Variants in TMED5 observed in about 807,000 individuals in gnomAD.
The protein encoded by TMED5 is transmembrane p24 trafficking protein 5, also known as transmembrane emp24 domain-containing protein 5.
In TMED5, 27 loss-of-function variants were observed where a neutral mutation model predicts 23.0. That is an observed-to-expected ratio of 1.17 (90% CI 0.86 to 1.62). The LOEUF (loss-of-function observed/expected upper bound fraction) is 1.62. TMED5 is among the 40% of genes most tolerant of loss of function. The pLI is 0.00. For synonymous variants in TMED5, 97 were observed against 100.8 expected (o/e 0.96, Z 0.23); for missense variants, 248 against 273.7 (o/e 0.91, Z 0.66).
intron 1 of TMED5, among the ~76,000 whole-genome samples, chr1:93,176,469 T>G (rs1455035328): frequency 6.6e-6 from 1 of 152,006 alleles, no homozygotes; most frequent in African/African-American, 2.4e-5. Flanking sequence ...GTGTAATAAT[T>G]TGATTAATTA....
At chr1:93,170,257 G>A (rs1648666313) in intron 1 of TMED5, among the ~76,000 whole-genome samples, 1 of 152,194 alleles carries the variant, frequency 6.6e-6, no homozygotes, top group African/African-American at 2.4e-5. Flanking sequence ...AGCTTGCCGG[G>A]AGGTGTGGAG....
At chr1:93,168,058 TCTACTGATTGATTTGAGAATGCTGAA>T (rs1258568214) in intron 1 of TMED5, among the ~76,000 whole-genome samples, 1 of 152,234 alleles carries the variant, frequency 6.6e-6, no homozygotes, top group African/African-American at 2.4e-5. Context: ...ATCATATCAT[TCTACTGATTGATTTGAGAATGCTGAA>T]CCATCCTTGC....
intron 1 of TMED5, among the ~76,000 whole-genome samples, chr1:93,166,606 A>G (rs1418313735): frequency 1.6e-5 from 2 of 124,670 alleles, no homozygotes; most frequent in African/African-American, 2.7e-5. Context: ...TTTTTAAATT[A>G]GATTAGATTT....
rs907476033 is a variant in TMED5 at position 93,152,561 on chromosome 1, T to C, written c.*2109A>G. ...AAATAAAGCAATTATCGTTTTTATA[T>C]GGTAAGAAGTTACTGAATCATAGGT... On this transcript the variant is annotated 3_prime_UTR_variant, in exon 4 of 4. Transcript: ENST00000370282. 6.6e-6 allele frequency: 1 copy of C among 152,624 alleles called. No homozygotes were observed. The allele number at this position is 152,624 out of a possible 1,614,324, so 9.5% of individuals were successfully genotyped here. A position where few individuals can be genotyped will look rare whatever the true frequency, so the allele number is the denominator to read the frequency against.
chr1:93,160,612 C>T lies in TMED5; in HGVS notation c.190-386G>A, dbSNP rs1571273800. The T allele has an allele frequency of 1.9e-5, 3 of 159,202 alleles. No homozygotes were observed. The East Asian group carries it at 5.3e-4, about 28-fold the overall frequency. The allele number at this position is 159,202 out of a possible 1,614,324, so 9.9% of individuals were successfully genotyped here. A position where few individuals can be genotyped will look rare whatever the true frequency, so the allele number is the denominator to read the frequency against. On this transcript the variant is annotated intron_variant, in intron 1 of 3. Coordinates refer to ENST00000370282, the MANE Select transcript of TMED5 (RefSeq NM_016040.5). ...GTGGCTCACGCCTGTAATCCCAGCA[C>T]TTTGGGAGGCCGAGGCAGGTGGATC...
At position 93,154,649 on chromosome 1, in the gene TMED5, T is replaced by TA. The variant is rs1215118584; in HGVS notation, c.*20dup. ...ATTTTTATGCCTCATTTTTCAATGT[T>TA]ACGTACTCTAGTTTGGAGTTTTAAG... is the stretch of plus-strand genomic sequence containing the variant. On this transcript the variant is annotated 3_prime_UTR_variant, in exon 4 of 4. Transcript: ENST00000370282. 2 of 1,569,032 alleles carry TA rather than the reference T, an allele frequency of 1.3e-6. No homozygotes were observed. Among genetic ancestry groups the TA allele is most frequent in the African/African-American group, 1.4e-5 (1 of 74,046 alleles).
At chr1:93,157,824 T>C (rs1648126496) in intron 2 of TMED5, among the ~76,000 whole-genome samples, 1 of 152,182 alleles carries the variant, frequency 6.6e-6, no homozygotes, top group African/African-American at 2.4e-5. Context: ...TTGTTTAATG[T>C]TTAAAAAACA....
In TMED5 at chr1:93,150,667, T is replaced by C. The variant is rs1466869152; in HGVS notation, c.*4003A>G. On this transcript the variant is annotated 3_prime_UTR_variant, in exon 4 of 4. Coordinates refer to ENST00000370282, the MANE Select transcript of TMED5 (RefSeq NM_016040.5). ...CTGTCTTTTCTTTCTGCAATGGTAT[T>C]ACGTGTCCTTTTAGAATTGAAATCA... is the stretch of plus-strand genomic sequence containing the variant. 6.6e-6 allele frequency: 1 copy of C among 152,230 alleles called. No individual in the cohort carries two copies. Among genetic ancestry groups the C allele is most frequent in the Non-Finnish European group, 1.5e-5 (1 of 68,042 alleles). 9.4% of individuals were successfully genotyped at this position (152,230 alleles called of 1,614,324 possible).
intron 1 of TMED5, among the ~76,000 whole-genome samples, chr1:93,178,526 TCTTTGAGAAGAGGGATTCTTTCTTTCTC>T: frequency 1.3e-5 from 2 of 152,134 alleles, no homozygotes; most frequent in Non-Finnish European, 2.9e-5. Flanking sequence ...TTTATTAAGC[TCTTTGAGAAGAGGGATTCTTTCTTTCTC>T]TTTTACCTAC....
At chr1:93,156,065 G>C (rs1430331676) in intron 3 of TMED5, 1 of 1,474,846 alleles carries the variant, frequency 6.8e-7, no homozygotes, top group East Asian at 2.5e-5. Flanking sequence ...CACATCTGAA[G>C]CTATTTTTAT....
intron 1 of TMED5, among the ~76,000 whole-genome samples, chr1:93,178,232 C>T (rs533532753): frequency 4.5e-4 from 69 of 152,298 alleles, no homozygotes; most frequent in Non-Finnish European, 8.1e-4. Flanking sequence ...GCTACTCCCA[C>T]CCTAGACTTT....
At chr1:93,158,896 G>C (rs1648170484) in intron 2 of TMED5, 1 of 942,818 alleles carries the variant, frequency 1.1e-6, no homozygotes, top group South Asian at 4.9e-5. Flanking sequence ...CTATCAAAGA[G>C]AAAACAGTTA....
At chr1:93,158,927 A>C in intron 2 of TMED5, 1 of 797,090 alleles carries the variant, frequency 1.3e-6, no homozygotes, top group Non-Finnish European at 1.5e-6. Flanking sequence ...TATCAATATA[A>C]ACTGACTTTT....
rs763992388 is a variant in TMED5, at chr1:93,156,488, A to AT, written c.288-6dup. 6.2e-7 allele frequency: 1 copy of AT among 1,607,332 alleles called. No homozygotes were observed. The highest frequency in any genetic ancestry group is 1.1e-5 in the South Asian group (1 of 89,792). ...TCACCAACTTCAGTCTCTACACTGTATAAAAAAAAGTACATGTTTTAAGTT... is the reference window on the plus strand; with the variant it reads ...TCACCAACTTCAGTCTCTACACTGTATTAAAAAAAAGTACATGTTTTAAGTT... On this transcript the variant is annotated splice_region_variant and splice_polypyrimidine_tract_variant and intron_variant, in intron 2 of 3. Coordinates refer to ENST00000370282, the MANE Select transcript of TMED5 (RefSeq NM_016040.5).
Position 93,156,494 on chromosome 1 carries a change from AAAAG to A in TMED5, c.288-15_288-12del. 1 of 1,605,226 alleles carries A rather than the reference AAAAG, an allele frequency of 6.2e-7. No individual in the cohort carries two copies. Among genetic ancestry groups the A allele is most frequent in the Non-Finnish European group, 8.5e-7 (1 of 1,174,668 alleles). On this transcript the variant is annotated splice_polypyrimidine_tract_variant and intron_variant, in intron 2 of 3. Transcript: ENST00000370282. ...ACTTCAGTCTCTACACTGTATAAAA[AAAAG>A]TACATGTTTTAAGTTACCTGTATTT...
At chr1:93,164,525 T>C (rs75864313) in intron 1 of TMED5, among the ~76,000 whole-genome samples, 2,311 of 152,264 alleles carry the variant, frequency 0.015, 28 homozygotes, top group Non-Finnish European at 0.023. Flanking sequence ...CCTCAAGTCA[T>C]ATGTGAAAAA....
intron 1 of TMED5, among the ~76,000 whole-genome samples, chr1:93,172,173 C>T (rs1489484035): frequency 6.6e-6 from 1 of 152,140 alleles, no homozygotes; most frequent in African/African-American, 2.4e-5. Flanking sequence ...ATGCTACTCC[C>T]TCATTACTCC....
At chr1:93,170,492 G>A (rs891983444) in intron 1 of TMED5, among the ~76,000 whole-genome samples, 5 of 152,216 alleles carry the variant, frequency 3.3e-5, no homozygotes, top group Non-Finnish European at 5.9e-5. Context: ...AGCCCGCCAT[G>A]CCTGAGCCTC....
In TMED5 at chr1:93,154,356, C is replaced by A; in HGVS notation, c.*314G>T. The A allele has an allele frequency of 1.1e-5, 3 of 268,232 alleles. No individual in the cohort carries two copies. The highest frequency in any genetic ancestry group is 6.6e-5 in the South Asian group (1 of 15,098). 16.6% of individuals were successfully genotyped at this position (268,232 alleles called of 1,614,324 possible). A position where few individuals can be genotyped will look rare whatever the true frequency, so the allele number is the denominator to read the frequency against. The stretch of plus-strand genomic sequence containing the variant: ...AAACAGACTGGTGTTGCAATTAGGC[C>A]CAATACTCATTTATTTAAATCACCT... On this transcript the variant is annotated 3_prime_UTR_variant, in exon 4 of 4. Coordinates refer to ENST00000370282, the MANE Select transcript of TMED5 (RefSeq NM_016040.5).
Sources: allele counts gnomAD v4.1 joint callset (sites outside exome capture counted in the v4.1 genomes callset), GRCh38; gene constraint gnomAD v4.1.1; transcripts MANE v1.5; gene names NCBI Gene and HGNC (gene_info 2026-07-23, HGNC 2026-07-21).